Variants in TMEFF2 observed in about 807,000 individuals in gnomAD.
TMEFF2 encodes the protein tomoregulin-2.
Under a neutral mutation model 53.8 loss-of-function variants are expected in TMEFF2, and 28 were observed. That is an observed-to-expected ratio of 0.52 (90% CI 0.39 to 0.71). The LOEUF (loss-of-function observed/expected upper bound fraction) is 0.71. Ranked by LOEUF, TMEFF2 falls within the 30% of genes least tolerant of loss-of-function variation. The pLI, the probability that TMEFF2 is intolerant of heterozygous loss-of-function variation, is 0.00. For missense variants in TMEFF2, 353 were observed against 455.2 expected (o/e 0.78, Z 2.04); for synonymous variants, 162 against 166.3 (o/e 0.97, Z 0.20).
At chr2:192,117,618 C>T (rs937316864) in intron 4 of TMEFF2, among the ~76,000 whole-genome samples, 2 of 152,058 alleles carry the variant, frequency 1.3e-5, no homozygotes, top group African/African-American at 4.8e-5. Context: ...TCCAACTTTC[C>T]ATGCCCAAGT....
At chr2:192,040,177 C>T (rs1398538903) in intron 5 of TMEFF2, among the ~76,000 whole-genome samples, 1 of 152,032 alleles carries the variant, frequency 6.6e-6, no homozygotes. Flanking sequence ...TCTAACTACA[C>T]CATAAGAGTT....
chr2:192,127,344 C>T (rs181159020), intron 4 of TMEFF2, among the ~76,000 whole-genome samples: 9 of 152,274 alleles, frequency 5.9e-5, no homozygotes, highest in Middle Eastern at 3.4e-3. Flanking sequence ...TCACAGGCCA[C>T]GTAATTCATT....
At chr2:192,009,049 TTTTA>T (rs1686566654) in intron 5 of TMEFF2, among the ~76,000 whole-genome samples, 1 of 152,212 alleles carries the variant, frequency 6.6e-6, no homozygotes, top group African/African-American at 2.4e-5. Context: ...TTCAGGTGGC[TTTTA>T]TTTGTTTGGC....
intron 4 of TMEFF2, among the ~76,000 whole-genome samples, chr2:192,075,285 T>TTATATATATATAAATATATA (rs1688382757): frequency 3.0e-5 from 2 of 65,760 alleles, no homozygotes; most frequent in African/African-American, 1.2e-4. Flanking sequence ...TACAGTACTA[T>TTATATATATATAAATATATA]TATATATATA....
At chr2:192,181,782 G>A (rs1456529431) in intron 3 of TMEFF2, among the ~76,000 whole-genome samples, 1 of 151,434 alleles carries the variant, frequency 6.6e-6, no homozygotes, top group East Asian at 1.9e-4. Flanking sequence ...AACTTCAAGG[G>A]GCATGGTCCT....
chr2:191,949,474 G>T lies in TMEFF2; in HGVS notation c.*837C>A, dbSNP rs903385796. ...GTGCTTTTGAGAATTCACGATTTTG[G>T]TGTTTCACATCTAGTGGTGTTATTA... is the stretch of plus-strand genomic sequence containing the variant. On this transcript the variant is annotated 3_prime_UTR_variant, in exon 10 of 10. Coordinates refer to ENST00000272771, the MANE Select transcript of TMEFF2 (RefSeq NM_016192.4). 1.9e-5 allele frequency: 19 copies of T among 985,196 alleles called. No individual in the cohort carries two copies. In the African/African-American group the frequency reaches 2.1e-4, roughly 11 times the overall value. 61.0% of individuals were successfully genotyped at this position (985,196 alleles called of 1,614,324 possible).
chr2:192,072,960 C>G lies in TMEFF2; in HGVS notation c.440-15185G>C, dbSNP rs1331188032. Among the ~76,000 whole-genome samples, 3 of 151,968 alleles carry G rather than the reference C, an allele frequency of 2.0e-5. No homozygotes were observed. The East Asian group carries it at 5.8e-4, about 29-fold the overall frequency. On this transcript the variant is annotated intron_variant, in intron 4 of 9. Coordinates refer to ENST00000272771, the MANE Select transcript of TMEFF2 (RefSeq NM_016192.4). ...GAGTTGCTAAATTCCATGTCAGAAGCATGGGCTGTCTTTCATGACAAATCT... is the reference window on the plus strand; with the variant it reads ...GAGTTGCTAAATTCCATGTCAGAAGGATGGGCTGTCTTTCATGACAAATCT...
At chr2:192,134,601 C>A (rs1360860152) in intron 4 of TMEFF2, among the ~76,000 whole-genome samples, 2 of 152,184 alleles carry the variant, frequency 1.3e-5, no homozygotes, top group Non-Finnish European at 2.9e-5. Context: ...CCCCTCCCTT[C>A]CCTACACTTC....
At chr2:192,048,573 T>C (rs184509217) in intron 5 of TMEFF2, among the ~76,000 whole-genome samples, 2 of 152,236 alleles carry the variant, frequency 1.3e-5, no homozygotes, top group Non-Finnish European at 2.9e-5. Context: ...TATTGGAACA[T>C]AAGAGGCTTC....
intron 4 of TMEFF2, among the ~76,000 whole-genome samples, chr2:192,084,733 T>C (rs990568698): frequency 1.3e-5 from 2 of 152,178 alleles, no homozygotes; most frequent in Non-Finnish European, 2.9e-5. Flanking sequence ...AAAAAGGCAT[T>C]TGATGCTTAT....
chr2:192,132,355 C>T (rs1376255867), intron 4 of TMEFF2, among the ~76,000 whole-genome samples: 1 of 152,080 alleles, frequency 6.6e-6, no homozygotes, highest in Non-Finnish European at 1.5e-5. Context: ...AATATAAAAA[C>T]CCAGCCCAGT....
At chr2:191,988,404 T>C (rs1036170505) in intron 7 of TMEFF2, among the ~76,000 whole-genome samples, 1 of 152,178 alleles carries the variant, frequency 6.6e-6, no homozygotes, top group African/African-American at 2.4e-5. Flanking sequence ...TCAACTTCCC[T>C]GGTGCTCTTT....
chr2:192,042,152 G>C (rs1385537264), intron 5 of TMEFF2, among the ~76,000 whole-genome samples: 2 of 150,270 alleles, frequency 1.3e-5, no homozygotes, highest in Admixed American at 1.3e-4. Flanking sequence ...AGTGAGCCGA[G>C]ATCACACCAC....
chr2:192,184,502 T>A lies in TMEFF2; in HGVS notation c.283-19A>T. The A allele has an allele frequency of 6.2e-7, 1 of 1,612,676 alleles. No individual in the cohort carries two copies. The highest frequency in any genetic ancestry group is 8.5e-7 in the Non-Finnish European group (1 of 1,179,162). On this transcript the variant is annotated intron_variant, in intron 2 of 9. Coordinates refer to ENST00000272771, the MANE Select transcript of TMEFF2 (RefSeq NM_016192.4). Reference sequence around the variant, plus strand: ...TGTTGCACTGGGAAACACACAGATGTAAGCCTATAGTTAGTACTGGAGATT... The same window carrying A: ...TGTTGCACTGGGAAACACACAGATGAAAGCCTATAGTTAGTACTGGAGATT...
chr2:192,191,932 T>A lies in TMEFF2; in HGVS notation c.230A>T (p.Asp77Val), dbSNP rs753512988. The stretch of plus-strand genomic sequence containing the variant: ...GTCTCCAATTCTTAAACATTCCCCA[T>A]CAAATTTACAGGTGTTGGTGTCACA... Reference protein sequence around the residue: ...FLCDTNTCKFDGECLRIGDTV... With the variant: ...FLCDTNTCKFVGECLRIGDTV... The change falls in exon 2 of 10, where the codon GAT becomes GTT. Residue 77 changes from aspartate to valine, a missense_variant. This residue lies in a region of TMEFF2 where 294 missense variants were observed against 397.3 expected (regional missense o/e 0.74). Transcript: ENST00000272771. 1.2e-6 allele frequency: 2 copies of A among 1,613,720 alleles called. No homozygotes were observed. The highest frequency in any genetic ancestry group is 2.2e-5 in the East Asian group (1 of 44,832).
chr2:192,112,670 G>A (rs548442872), intron 4 of TMEFF2, among the ~76,000 whole-genome samples: 1 of 152,204 alleles, frequency 6.6e-6, no homozygotes, highest in Non-Finnish European at 1.5e-5. Flanking sequence ...GGGTCCAGGG[G>A]TGGAATGATA....
intron 9 of TMEFF2, 60 bp downstream of exon 9, chr2:191,953,619 T>TA: frequency 3.2e-6 from 5 of 1,571,088 alleles, no homozygotes; most frequent in South Asian, 1.2e-5. Flanking sequence ...GGGATCTGAT[T>TA]AAATAAAAGA....
intron 7 of TMEFF2, among the ~76,000 whole-genome samples, chr2:191,991,810 AGGG>A (rs1056116341): frequency 3.9e-5 from 6 of 152,124 alleles, no homozygotes; most frequent in Non-Finnish European, 8.8e-5. Context: ...AGTGTCTACC[AGGG>A]CCCAAGGCAA....
intron 4 of TMEFF2, among the ~76,000 whole-genome samples, chr2:192,124,199 T>G (rs1689624614): frequency 6.6e-6 from 1 of 152,246 alleles, no homozygotes; most frequent in South Asian, 2.1e-4. Context: ...CACTTTAAGA[T>G]AAACATGCAT....
Sources: allele counts gnomAD v4.1 joint callset (sites outside exome capture counted in the v4.1 genomes callset), GRCh38; gene constraint gnomAD v4.1.1; regional missense constraint gnomAD v4.1.1; transcripts MANE v1.5; gene names NCBI Gene and HGNC (gene_info 2026-07-23, HGNC 2026-07-21).